The following FMN1 variants were observed in gnomAD, a reference collection of about 807,000 sequenced individuals.
FMN1 encodes the protein formin 1.
In FMN1, 110 loss-of-function variants were observed where a neutral mutation model predicts 132.4. That is an observed-to-expected ratio of 0.83 (90% CI 0.71 to 0.97). FMN1 has a LOEUF of 0.97. Among genes scored for constraint, FMN1 ranks in the 50% least tolerant of loss-of-function variants. The probability of loss-of-function intolerance (pLI) is 0.00; values close to 1 mark genes in which losing one functional copy is unlikely to be tolerated. For missense variants in FMN1, 1,792 were observed against 1,705.3 expected, an observed-to-expected ratio of 1.05 and a Z score of -0.90; for synonymous variants, 722 against 651.7, an observed-to-expected ratio of 1.11 and a Z score of -1.64.
At chr15:32,944,171 C>A (rs930089344) in intron 9 of FMN1, among the ~76,000 whole-genome samples, 2 of 152,218 alleles carry the variant, frequency 1.3e-5, no homozygotes, top group Non-Finnish European at 2.9e-5. Flanking sequence ...ATAACCGCTT[C>A]TTTGGAAATA....
chr15:32,835,658 G>A (rs1346051495), intron 17 of FMN1, among the ~76,000 whole-genome samples: 1 of 152,142 alleles, frequency 6.6e-6, no homozygotes, highest in African/African-American at 2.4e-5. Context: ...CAATCCTCCT[G>A]AGTTGACAAC....
chr15:32,842,128 C>T (rs1184501334), intron 17 of FMN1, among the ~76,000 whole-genome samples: 1 of 152,176 alleles, frequency 6.6e-6, no homozygotes, highest in Admixed American at 6.5e-5. Context: ...ATGTTTCATT[C>T]CCAGTGTTTG....
intron 4 of FMN1, among the ~76,000 whole-genome samples, chr15:33,143,968 C>T (rs1008033918): frequency 3.9e-5 from 6 of 152,046 alleles, no homozygotes; most frequent in Admixed American, 6.5e-5. Context: ...CAAAACCTAT[C>T]GCCTTGATAG....
chr15:33,068,671 C>T (rs2141265854), intron 5 of FMN1, among the ~76,000 whole-genome samples: 1 of 152,016 alleles, frequency 6.6e-6, no homozygotes, highest in East Asian at 1.9e-4. Context: ...CAGGTTTCAT[C>T]TGGAATGCAG....
chr15:32,849,062 C>T (rs575844915), intron 17 of FMN1, among the ~76,000 whole-genome samples: 1 of 142,906 alleles, frequency 7.0e-6, no homozygotes, highest in Middle Eastern at 3.8e-3. Context: ...CGGCTCACTG[C>T]AAGCTCTGCC....
intron 10 of FMN1, among the ~76,000 whole-genome samples, chr15:32,910,870 C>T (rs974951204): frequency 2.6e-5 from 4 of 152,102 alleles, no homozygotes; most frequent in Non-Finnish European, 4.4e-5. Flanking sequence ...TCTTTCTTCC[C>T]GATGGTAATT....
intron 17 of FMN1, among the ~76,000 whole-genome samples, chr15:32,839,224 C>T (rs773292311): frequency 1.3e-5 from 2 of 152,110 alleles, no homozygotes; most frequent in East Asian, 1.9e-4. Flanking sequence ...TGCACCCTGC[C>T]CACCCACTCC....
rs183925210 is a variant in FMN1, at chr15:33,010,488, A to G, written c.2162-2413T>C. 3.3e-5 allele frequency among the ~76,000 whole-genome samples: 5 copies of G among 152,324 alleles called. No homozygotes were observed. The East Asian group carries it at 7.7e-4, about 23-fold the overall frequency. On this transcript the variant is annotated intron_variant, in intron 6 of 20. Transcript: ENST00000616417. ...TAATTTGTTTTAAATCTGACATTAA[A>G]TATTATATTGGTAAATATTTTCCCT... is the stretch of plus-strand genomic sequence containing the variant.
At chr15:33,120,679 T>G (rs1962467299) in intron 4 of FMN1, among the ~76,000 whole-genome samples, 1 of 152,210 alleles carries the variant, frequency 6.6e-6, no homozygotes, top group South Asian at 2.1e-4. Flanking sequence ...AGTTCATATA[T>G]ATCTACATCA....
chr15:32,827,882 C>G (rs2058408687), intron 17 of FMN1, among the ~76,000 whole-genome samples: 1 of 151,352 alleles, frequency 6.6e-6, no homozygotes, highest in South Asian at 2.1e-4. Flanking sequence ...TGCTGGCTCT[C>G]CTTTATAGCA....
intron 9 of FMN1, among the ~76,000 whole-genome samples, chr15:32,951,866 A>G (rs2140504151): frequency 6.6e-6 from 1 of 152,240 alleles, no homozygotes; most frequent in East Asian, 1.9e-4. Flanking sequence ...CTACCACACT[A>G]CCACCTTCCA....
chr15:32,891,755 G>T (rs908999565), intron 15 of FMN1, among the ~76,000 whole-genome samples: 1 of 152,012 alleles, frequency 6.6e-6, no homozygotes, highest in Non-Finnish European at 1.5e-5. Context: ...CCTTGTGGAG[G>T]TCTTTTGACT....
chr15:32,842,157 A>G (rs1392164336), intron 17 of FMN1, among the ~76,000 whole-genome samples: 5 of 152,266 alleles, frequency 3.3e-5, no homozygotes, highest in South Asian at 2.1e-4. Context: ...GGAAATTTCT[A>G]ATTTCTTTTC....
At chr15:32,830,498 T>C (rs927315343) in intron 17 of FMN1, among the ~76,000 whole-genome samples, 10 of 152,200 alleles carry the variant, frequency 6.6e-5, no homozygotes, top group African/African-American at 2.4e-4. Context: ...CCATTTATGA[T>C]CTAAATGAGG....
Position 32,935,607 on chromosome 15 carries a change from C to G in FMN1, c.3139-9346G>C, listed in dbSNP as rs557416169. On this transcript the variant is annotated intron_variant, in intron 9 of 20. Coordinates refer to ENST00000616417, the MANE Select transcript of FMN1 (RefSeq NM_001277313.2). ...TCTATTGATCTGCTTGACGGTGTTC[C>G]ATACATCCCTTAGACTTTCTTTACT... 1.2e-4 allele frequency among the ~76,000 whole-genome samples: 18 copies of G among 151,950 alleles called. No homozygotes were observed. In the South Asian group the frequency reaches 2.7e-3, roughly 23 times the overall value.
chr15:33,094,027 T>C (rs921799638), intron 4 of FMN1, among the ~76,000 whole-genome samples: 2 of 152,036 alleles, frequency 1.3e-5, no homozygotes, highest in African/African-American at 4.8e-5. Flanking sequence ...AAAATCTAAG[T>C]TCTTTATGCT....
rs1230412388 is a variant in FMN1, at chr15:32,804,978, CAT to C, written c.3929-648_3929-647del. Among the ~76,000 whole-genome samples the C allele has an allele frequency of 2.6e-5, 4 of 152,116 alleles. No homozygotes were observed. In the South Asian group the frequency reaches 8.3e-4, roughly 32 times the overall value. The stretch of plus-strand genomic sequence containing the variant: ...TAGTGCCACAATAAATATACATGTG[CAT>C]ATATCTTTATAGTAGCATGATTTAT... On this transcript the variant is annotated intron_variant, in intron 17 of 20. Coordinates refer to ENST00000616417, the MANE Select transcript of FMN1 (RefSeq NM_001277313.2).
intron 6 of FMN1, among the ~76,000 whole-genome samples, chr15:33,029,056 G>T (rs1255176315): frequency 6.6e-6 from 1 of 152,182 alleles, no homozygotes; most frequent in Non-Finnish European, 1.5e-5. Flanking sequence ...GCAAATTGAA[G>T]CTGATTTGAA....
intron 2 of FMN1, among the ~76,000 whole-genome samples, chr15:33,193,083 G>T (rs978275711): frequency 7.9e-5 from 12 of 152,042 alleles, no homozygotes; most frequent in African/African-American, 2.9e-4. Context: ...TTGCTTCTTT[G>T]TTCCTGCAAT....
Sources: gnomAD v4.1 joint callset for allele counts (sites outside exome capture counted in the v4.1 genomes callset) on GRCh38, gnomAD v4.1.1 for gene constraint, MANE v1.5 for transcripts, NCBI Gene and HGNC (gene_info 2026-07-23, HGNC 2026-07-21) for gene names.